UBAC2: variants seen among roughly 807,000 people sequenced by gnomAD.
The protein encoded by UBAC2 is ubiquitin-associated domain-containing protein 2.
Under a neutral mutation model 44.0 loss-of-function variants are expected in UBAC2, and 26 were observed. That is an observed-to-expected ratio of 0.59 (90% CI 0.43 to 0.82). The LOEUF is 0.82. Among genes scored for constraint, UBAC2 ranks in the 40% least tolerant of loss-of-function variants. The probability of loss-of-function intolerance (pLI) is 0.00; values close to 1 mark genes in which losing one functional copy is unlikely to be tolerated. For missense variants in UBAC2, 329 were observed against 419.4 expected, an observed-to-expected ratio of 0.78 and a Z score of 1.88; for synonymous variants, 155 against 154.3, an observed-to-expected ratio of 1.00 and a Z score of -0.04.
chr13:99,375,020 G>A (rs750355797), intron 8 of UBAC2, among the ~76,000 whole-genome samples: 5 of 152,138 alleles, frequency 3.3e-5, no homozygotes, highest in Admixed American at 2.0e-4. Context: ...TTGGAAATAC[G>A]TTTTCTAACA....
Position 99,225,641 on chromosome 13 carries a change from T to C in UBAC2, c.32-12786T>C, listed in dbSNP as rs73565920. 1.0e-2 allele frequency among the ~76,000 whole-genome samples: 1,520 copies of C among 152,338 alleles called. 29 individuals are homozygous for C. The highest frequency in any genetic ancestry group is 0.035 in the African/African-American group (1,472 of 41,580). ...CTCCCCTTTTGTTTAACAAACACTC[T>C]TGACTGCCTTTATGTGTCAGGTCCT... is the stretch of plus-strand genomic sequence containing the variant. On this transcript the variant is annotated intron_variant, in intron 1 of 8. Coordinates refer to ENST00000403766, the MANE Select transcript of UBAC2 (RefSeq NM_001144072.2).
chr13:99,278,301 G>T (rs1356216022), intron 4 of UBAC2, among the ~76,000 whole-genome samples: 5 of 152,002 alleles, frequency 3.3e-5, no homozygotes, highest in African/African-American at 9.7e-5. Flanking sequence ...AATACATGTG[G>T]CAATAGAGTT....
At chr13:99,236,002 A>G (rs989022749) in intron 1 of UBAC2, among the ~76,000 whole-genome samples, 1 of 152,176 alleles carries the variant, frequency 6.6e-6, no homozygotes, top group Non-Finnish European at 1.5e-5. Context: ...CGGGTTAACC[A>G]TATGCACAAA....
intron 1 of UBAC2, among the ~76,000 whole-genome samples, chr13:99,213,106 ATATACC>A (rs1259023422): frequency 1.9e-4 from 29 of 152,280 alleles, no homozygotes; most frequent in Admixed American, 3.9e-4. Flanking sequence ...ATACATATAC[ATATACC>A]TATACATTTG....
Position 99,255,645 on chromosome 13 carries a change from G to A in UBAC2, c.389+11021G>A, listed in dbSNP as rs189039762. On this transcript the variant is annotated intron_variant, in intron 4 of 8. Transcript: ENST00000403766. Reference sequence around the variant, plus strand: ...CTTTTGCATAATAAAACATTCGAAAGGGTAAAGTCATTATAAATATCAAGT... The same window carrying A: ...CTTTTGCATAATAAAACATTCGAAAAGGTAAAGTCATTATAAATATCAAGT... 1.6e-4 allele frequency: 263 copies of A among 1,614,028 alleles called. 2 individuals are homozygous for A. The highest frequency in any genetic ancestry group is 5.0e-5 in the Admixed American group (3 of 60,016).
intron 4 of UBAC2, among the ~76,000 whole-genome samples, chr13:99,274,242 C>T (rs930143702): frequency 2.0e-5 from 3 of 152,038 alleles, no homozygotes; most frequent in Non-Finnish European, 4.4e-5. Context: ...TGTTTAGTTT[C>T]ACCTGTGTTG....
At chr13:99,215,597 G>A in intron 1 of UBAC2, 2 of 1,331,106 alleles carry the variant, frequency 1.5e-6, no homozygotes, top group Non-Finnish European at 2.2e-6. Context: ...TGGCTGCGCT[G>A]TACACAGCGG....
chr13:99,318,157 T>G (rs2044518260), intron 6 of UBAC2, 88 bp downstream of exon 6: 3 of 1,182,792 alleles, frequency 2.5e-6, no homozygotes, highest in Non-Finnish European at 3.6e-6. Flanking sequence ...GTGCGTCATA[T>G]TCAACTGTCT....
rs1305524872 is a variant in UBAC2, at chr13:99,210,682, G to C, written c.31+9743G>C. The stretch of plus-strand genomic sequence containing the variant: ...AGTAGAGACGGGGTTTCTCCATTTT[G>C]GTCAGGCTGGTCTCAAACTCCCGAC... On this transcript the variant is annotated intron_variant, in intron 1 of 8. Coordinates refer to ENST00000403766, the MANE Select transcript of UBAC2 (RefSeq NM_001144072.2). Among the ~76,000 whole-genome samples the C allele has an allele frequency of 2.6e-5, 4 of 151,954 alleles. No homozygotes were observed. In the East Asian group the frequency reaches 7.7e-4, roughly 29 times the overall value.
chr13:99,309,681 A>C (rs774187999), intron 4 of UBAC2, among the ~76,000 whole-genome samples: 4 of 151,748 alleles, frequency 2.6e-5, no homozygotes, highest in Non-Finnish European at 5.9e-5. Flanking sequence ...GCTCACTGCA[A>C]CCTCTGCCTC....
chr13:99,331,703 A>G (rs566325207), intron 6 of UBAC2, among the ~76,000 whole-genome samples: 11 of 152,358 alleles, frequency 7.2e-5, no homozygotes, highest in African/African-American at 2.6e-4. Context: ...GACAAATGGC[A>G]GAAATAACTT....
intron 4 of UBAC2, among the ~76,000 whole-genome samples, chr13:99,285,917 T>G (rs1001458454): frequency 6.6e-6 from 1 of 152,158 alleles, no homozygotes; most frequent in African/African-American, 2.4e-5. Flanking sequence ...GTGCCAGAGT[T>G]CACAGTTCAA....
chr13:99,272,350 A>T (rs2043826792), intron 4 of UBAC2, among the ~76,000 whole-genome samples: 1 of 152,222 alleles, frequency 6.6e-6, no homozygotes, highest in Admixed American at 6.5e-5. Flanking sequence ...ACCCACTTTC[A>T]ACACTGATCA....
intron 6 of UBAC2, among the ~76,000 whole-genome samples, chr13:99,322,648 TA>T (rs1445757059): frequency 6.6e-6 from 1 of 152,194 alleles, no homozygotes; most frequent in African/African-American, 2.4e-5. Flanking sequence ...AGACTTTGAT[TA>T]TCTCTGATCC....
intron 1 of UBAC2, among the ~76,000 whole-genome samples, chr13:99,220,413 A>G (rs2142683814): frequency 6.6e-6 from 1 of 152,338 alleles, no homozygotes; most frequent in South Asian, 2.1e-4. Context: ...CCTGGCATAA[A>G]ATAATCCACA....
chr13:99,332,946 A>G (rs562394195), intron 6 of UBAC2, among the ~76,000 whole-genome samples: 48 of 152,256 alleles, frequency 3.2e-4, no homozygotes, highest in African/African-American at 1.1e-3. Context: ...CAGAAGACCT[A>G]GTGTAAAAAA....
At chr13:99,306,868 G>T (rs2044344556) in intron 4 of UBAC2, among the ~76,000 whole-genome samples, 1 of 152,004 alleles carries the variant, frequency 6.6e-6, no homozygotes, top group South Asian at 2.1e-4. Flanking sequence ...TATATCTAAA[G>T]CTTTAGAAAA....
At chr13:99,281,193 AAAAC>A (rs758151814) in intron 4 of UBAC2, among the ~76,000 whole-genome samples, 1 of 149,942 alleles carries the variant, frequency 6.7e-6, no homozygotes, top group Non-Finnish European at 1.5e-5. Context: ...CATCTCAAAA[AAAAC>A]AAAACAAAAC....
At chr13:99,340,221 T>A (rs548859447) in intron 6 of UBAC2, 99 bp from the exon 7 acceptor site, 1 of 1,351,558 alleles carries the variant, frequency 7.4e-7, no homozygotes, top group Non-Finnish European at 1.0e-6. Flanking sequence ...CTAAGAAAAA[T>A]ACCGTGTGCA....
Sources: gnomAD v4.1 joint callset for allele counts (sites outside exome capture counted in the v4.1 genomes callset) on GRCh38, gnomAD v4.1.1 for gene constraint, MANE v1.5 for transcripts, NCBI Gene and HGNC (gene_info 2026-07-23, HGNC 2026-07-21) for gene names.